The following GPHN variants were observed in gnomAD, a reference collection of about 807,000 sequenced individuals.
GPHN encodes gephyrin.
In GPHN, 17 loss-of-function variants were observed where a neutral mutation model predicts 95.5. The observed-to-expected ratio is 0.18, with a 90% confidence interval of 0.12 to 0.27. The LOEUF (loss-of-function observed/expected upper bound fraction) is 0.27. Among genes scored for constraint, GPHN ranks in the 10% least tolerant of loss-of-function variants. The probability of loss-of-function intolerance (pLI) is 1.00; values close to 1 mark genes in which losing one functional copy is unlikely to be tolerated. For synonymous variants in GPHN, 320 were observed against 322.5 expected (o/e 0.99, Z 0.08); for missense variants, 660 against 978.1 (o/e 0.67, Z 4.34).
intron 2 of GPHN, among the ~76,000 whole-genome samples, chr14:66,752,859 G>A (rs927343410): frequency 6.7e-6 from 1 of 148,688 alleles, no homozygotes; most frequent in Non-Finnish European, 1.5e-5. Context: ...GGACAAGAAA[G>A]AGCTGAGACT....
chr14:67,195,651 T>C, the GPHN span, among the ~76,000 whole-genome samples: 1 of 152,120 alleles, frequency 6.6e-6, no homozygotes, highest in Non-Finnish European at 1.5e-5. Context: ...ATATTATTAT[T>C]TTATGTGCCA....
At chr14:66,510,938 C>G (rs1566735215) in intron 1 of GPHN, among the ~76,000 whole-genome samples, 1 of 152,002 alleles carries the variant, frequency 6.6e-6, no homozygotes, top group African/African-American at 2.4e-5. Context: ...AGTCTAGGGC[C>G]AGGAACAAGG....
At chr14:67,691,486 A>C in the GPHN span, 2 of 402,758 alleles carry the variant, frequency 5.0e-6, no homozygotes. Context: ...CTTGTAGTTC[A>C]GGAGCTACTT....
At chr14:66,643,987 C>G (rs978553321) in intron 1 of GPHN, among the ~76,000 whole-genome samples, 1 of 151,928 alleles carries the variant, frequency 6.6e-6, no homozygotes, top group Admixed American at 6.6e-5. Context: ...AGACAGCCAA[C>G]TGAGCCAGCT....
the GPHN span, among the ~76,000 whole-genome samples, chr14:67,461,743 A>C: frequency 6.6e-6 from 1 of 152,222 alleles, no homozygotes; most frequent in Non-Finnish European, 1.5e-5. Context: ...ACAATGAGAT[A>C]GTCCTGCAAA....
the GPHN span, among the ~76,000 whole-genome samples, chr14:67,252,389 C>G: frequency 2.0e-5 from 3 of 152,008 alleles, no homozygotes; most frequent in Admixed American, 2.0e-4. Flanking sequence ...TCCTGGTCTC[C>G]AGCAGTCCTC....
At chr14:67,203,687 C>T in the GPHN span, among the ~76,000 whole-genome samples, 1 of 152,104 alleles carries the variant, frequency 6.6e-6, no homozygotes, top group African/African-American at 2.4e-5. Flanking sequence ...TAAATGGACG[C>T]TTTCTCATGG....
At chr14:66,973,138 T>TTA (rs888047542) in intron 9 of GPHN, among the ~76,000 whole-genome samples, 11 of 152,156 alleles carry the variant, frequency 7.2e-5, no homozygotes, top group Non-Finnish European at 1.5e-4. Context: ...ATTGAATCCT[T>TTA]TATATATATA....
chr14:67,233,137 T>TTTTATTTTAG, the GPHN span, among the ~76,000 whole-genome samples: 1 of 151,208 alleles, frequency 6.6e-6, no homozygotes, highest in African/African-American at 2.4e-5. Context: ...TTTTATTTTA[T>TTTTATTTTAG]TTTATTTTAT....
At position 67,089,122 on chromosome 14, in the gene GPHN, TTTCTTTTTTTC is replaced by T. The variant is rs749171814; in HGVS notation, c.1237+50_1237+60del. Reference sequence around the variant, plus strand: ...AACATAATCAGGCACTGTATTTTTTTTTCTTTTTTTCTTTTTTTTTTTTTTTTTTTTTTTTT... The same window carrying T: ...AACATAATCAGGCACTGTATTTTTTTTTTTTTTTTTTTTTTTTTTTTTTTT... On this transcript the variant is annotated intron_variant, in intron 12 of 22. Coordinates refer to ENST00000478722, the MANE Select transcript of GPHN (RefSeq NM_020806.5). 1,483 of 637,892 alleles carry T rather than the reference TTTCTTTTTTTC, an allele frequency of 2.3e-3. 23 individuals carry two copies. The highest frequency in any genetic ancestry group is 2.9e-3 in the Middle Eastern group (8 of 2,714). 39.5% of individuals were successfully genotyped at this position (637,892 alleles called of 1,614,324 possible). A position where few individuals can be genotyped will look rare whatever the true frequency, so the allele number is the denominator to read the frequency against.
At position 66,842,056 on chromosome 14, in the gene GPHN, G is replaced by A. The variant is rs1366535837; in HGVS notation, c.294+17490G>A. On this transcript the variant is annotated intron_variant, in intron 4 of 22. Coordinates refer to ENST00000478722, the MANE Select transcript of GPHN (RefSeq NM_020806.5). ...TGACAGAGTAAGACTCCTTCCCCCC[G>A]CCCCCGCCCCAACCCCCCCAGCCCC... 7.8e-5 allele frequency among the ~76,000 whole-genome samples: 6 copies of A among 76,996 alleles called. No individual in the cohort carries two copies. The East Asian group carries it at 1.7e-3, about 21-fold the overall frequency. The allele number at this position is 76,996 out of a possible 152,430, so 50.5% of individuals were successfully genotyped here. A position where few individuals can be genotyped will look rare whatever the true frequency, so the allele number is the denominator to read the frequency against.
At position 67,002,391 on chromosome 14, in the gene GPHN, C is replaced by T. The variant is rs563298731; in HGVS notation, c.964-21242C>T. ...ACCATGTGATTTTAGGGCTTGAGAT[C>T]GTGAGACATATTTTTATTTTTTTTA... On this transcript the variant is annotated intron_variant, in intron 9 of 22. Coordinates refer to ENST00000478722, the MANE Select transcript of GPHN (RefSeq NM_020806.5). Among the ~76,000 whole-genome samples the T allele has an allele frequency of 6.2e-5, 8 of 128,744 alleles. 1 individual carries two copies. Among genetic ancestry groups the T allele is most frequent in the Middle Eastern group, 5.3e-3 (1 of 190 alleles). 84.5% of individuals were successfully genotyped at this position (128,744 alleles called of 152,430 possible).
At chr14:67,042,315 CT>C (rs1213875286) in intron 10 of GPHN, among the ~76,000 whole-genome samples, 2 of 152,104 alleles carry the variant, frequency 1.3e-5, no homozygotes, top group Admixed American at 1.3e-4. Context: ...TGTCTATGTC[CT>C]GAATGGTATT....
At chr14:66,523,851 G>A (rs189341998) in intron 1 of GPHN, among the ~76,000 whole-genome samples, 88 of 152,192 alleles carry the variant, frequency 5.8e-4, no homozygotes, top group Admixed American at 3.7e-3. Context: ...CAATCTTGGT[G>A]TATCCCCATG....
chr14:67,345,385 T>C, the GPHN span, among the ~76,000 whole-genome samples: 1 of 152,042 alleles, frequency 6.6e-6, no homozygotes, highest in Non-Finnish European at 1.5e-5. Context: ...GGCAAAACCC[T>C]GTCTCTACAA....
Position 66,818,623 on chromosome 14 carries a change from T to C in GPHN, c.202-5851T>C, listed in dbSNP as rs997339546. On this transcript the variant is annotated intron_variant, in intron 3 of 22. Transcript: ENST00000478722. ...AATCAATTGGGTATATACTCAGTAATGGGATTTCTGGGTCGAATGGTATTT... is the reference window on the plus strand; with the variant it reads ...AATCAATTGGGTATATACTCAGTAACGGGATTTCTGGGTCGAATGGTATTT... 5.3e-5 allele frequency among the ~76,000 whole-genome samples: 8 copies of C among 152,158 alleles called. No homozygotes were observed. In the South Asian group the frequency reaches 1.5e-3, roughly 28 times the overall value.
chr14:66,874,711 A>C (rs984604843), intron 4 of GPHN, among the ~76,000 whole-genome samples: 6 of 152,190 alleles, frequency 3.9e-5, no homozygotes, highest in South Asian at 2.1e-4. Context: ...TTAAAGAAAA[A>C]AGAATGAAAA....
At chr14:67,023,724 G>C in intron 10 of GPHN, 49 bp downstream of exon 10, 1 of 1,426,848 alleles carries the variant, frequency 7.0e-7, no homozygotes, top group Admixed American at 1.7e-5. Flanking sequence ...AGCTTATAAA[G>C]CTAAAAATGA....
intron 3 of GPHN, among the ~76,000 whole-genome samples, chr14:66,804,058 T>C (rs1197434334): frequency 9.9e-5 from 15 of 152,168 alleles, no homozygotes; most frequent in Admixed American, 9.8e-4. Context: ...TTCTGGCAAA[T>C]CAAGTAATTT....
Sources: gnomAD v4.1 joint callset for allele counts (sites outside exome capture counted in the v4.1 genomes callset) on GRCh38, gnomAD v4.1.1 for gene constraint, MANE v1.5 for transcripts, NCBI Gene and HGNC (gene_info 2026-07-23, HGNC 2026-07-21) for gene names.